Variants in MAJIN observed in about 807,000 individuals in gnomAD.
The protein encoded by MAJIN is membrane anchored junction protein.
MAJIN carries 27 observed loss-of-function variants against 30.2 expected under a neutral mutation model. The observed-to-expected ratio is 0.89, with a 90% confidence interval of 0.66 to 1.23. The LOEUF is 1.23. Among genes scored for constraint, MAJIN ranks in the 50% most tolerant of loss-of-function variants. The probability of loss-of-function intolerance (pLI) is 0.00; values close to 1 mark genes in which losing one functional copy is unlikely to be tolerated. For synonymous variants in MAJIN, 78 were observed against 91.6 expected (o/e 0.85, Z 0.85); for missense variants, 253 against 260.3 (o/e 0.97, Z 0.19).
chr11:64,940,837 T>TTTC (rs1945365842), intron 8 of MAJIN, among the ~76,000 whole-genome samples, 191 bp from the exon 9 acceptor site: 2 of 125,768 alleles, frequency 1.6e-5, no homozygotes, highest in East Asian at 2.3e-4. Context: ...TTTTCTTTCT[T>TTTC]TTTTTTTTTT....
At chr11:64,945,430 A>G (rs1022036235) in intron 8 of MAJIN, among the ~76,000 whole-genome samples, 1 of 144,482 alleles carries the variant, frequency 6.9e-6, no homozygotes, top group African/African-American at 2.6e-5. Flanking sequence ...ATGAAGGCAA[A>G]AAGTTTCCTA....
Position 64,954,798 on chromosome 11 carries a change from C to G in MAJIN, c.106G>C (p.Glu36Gln), listed in dbSNP as rs569704739. ...KIRYGKSIRG[E>Q]EIENKEVITQ... ...ATGACTTCCTTATTTTCTATCTCTT[C>G]TCCTCTAGAAGGTAAACAGACAAGA... is the stretch of plus-strand genomic sequence containing the variant. The change falls in exon 4 of 11, where the codon GAA (glutamate) becomes CAA (glutamine). Residue 36 changes from glutamate (E) to glutamine (Q), a missense_variant. Physicochemically the swap from Glu to Gln is conservative, Grantham distance 29. Coordinates refer to ENST00000301896, the MANE Select transcript of MAJIN (RefSeq NM_001037225.3). 6.2e-7 allele frequency: 1 copy of G among 1,611,714 alleles called. No individual in the cohort carries two copies.
chr11:64,945,687 C>T (rs1355560886), intron 8 of MAJIN, among the ~76,000 whole-genome samples: 2 of 151,990 alleles, frequency 1.3e-5, no homozygotes, highest in African/African-American at 2.4e-5. Flanking sequence ...AGGTGCCCAC[C>T]ACCACACTTG....
intron 4 of MAJIN, 124 bp downstream of exon 4, chr11:64,954,633 A>G (rs777673736): frequency 3.1e-5 from 27 of 874,146 alleles, no homozygotes; most frequent in Non-Finnish European, 4.7e-5. Context: ...AAGGAGATGT[A>G]GCAGGAGGAA....
intron 8 of MAJIN, 110 bp downstream of exon 8, chr11:64,947,264 G>A (rs1409541569): frequency 1.2e-6 from 1 of 836,312 alleles, no homozygotes; most frequent in Non-Finnish European, 1.8e-6. Context: ...AGATACTGAT[G>A]AAGTCCTGCA....
chr11:64,948,837 A>G (rs1240714547), intron 6 of MAJIN, among the ~76,000 whole-genome samples: 9 of 146,312 alleles, frequency 6.2e-5, no homozygotes, highest in Non-Finnish European at 1.4e-4. Flanking sequence ...TATTTTTAGT[A>G]GAAATGGGGT....
intron 6 of MAJIN, among the ~76,000 whole-genome samples, chr11:64,948,215 T>C (rs998697027): frequency 2.6e-5 from 4 of 152,034 alleles, no homozygotes; most frequent in Admixed American, 2.6e-4. Context: ...AGACTCCTCA[T>C]GTGCCCTTCT....
At chr11:64,947,598 T>C in intron 7 of MAJIN, 133 bp from the exon 8 acceptor site, 14 of 1,054,486 alleles carry the variant, frequency 1.3e-5, no homozygotes, top group Non-Finnish European at 1.9e-5. Flanking sequence ...CAAGTAAGAA[T>C]AGACATTCTG....
At chr11:64,961,467 ATTTTTTTTTTT>A (rs36053356) in intron 1 of MAJIN, among the ~76,000 whole-genome samples, 65 of 59,184 alleles carry the variant, frequency 1.1e-3, no homozygotes, top group South Asian at 2.1e-3. Context: ...GTGCCCGGCA[ATTTTTTTTTTT>A]TTTTTTTTTT....
At chr11:64,965,544 G>C (rs1346964609) in intron 1 of MAJIN, among the ~76,000 whole-genome samples, 1 of 152,030 alleles carries the variant, frequency 6.6e-6, no homozygotes, top group Non-Finnish European at 1.5e-5. Flanking sequence ...AATGAAAAAC[G>C]ACCTTTGGCC....
chr11:64,966,145 G>GAAAAAAAAAAGAAAAAAAA (rs1945804863), intron 1 of MAJIN, among the ~76,000 whole-genome samples: 1 of 57,100 alleles, frequency 1.8e-5, no homozygotes, highest in Non-Finnish European at 3.0e-5. Context: ...GATTAAAAAT[G>GAAAAAAAAAAGAAAAAAAA]AAAAAAAAAA....
At chr11:64,949,332 TAAA>T (rs1459244395) in intron 6 of MAJIN, among the ~76,000 whole-genome samples, 1 of 151,830 alleles carries the variant, frequency 6.6e-6, no homozygotes, top group Non-Finnish European at 1.5e-5. Context: ...CCTGTCTAAA[TAAA>T]AATAAAATTG....
intron 6 of MAJIN, among the ~76,000 whole-genome samples, chr11:64,949,196 C>T (rs532258594): frequency 3.3e-5 from 5 of 149,836 alleles, no homozygotes; most frequent in Non-Finnish European, 5.9e-5. Flanking sequence ...CGGGGATGGT[C>T]GCACACACCT....
chr11:64,971,469 G>A (rs967152283), intron 1 of MAJIN, among the ~76,000 whole-genome samples: 3 of 151,408 alleles, frequency 2.0e-5, no homozygotes, highest in Middle Eastern at 6.3e-3. Context: ...GTTGCGGGGG[G>A]GCGGGGAAGG....
intron 3 of MAJIN, 89 bp from the exon 4 acceptor site, chr11:64,954,891 C>T: frequency 1.8e-6 from 2 of 1,141,432 alleles, no homozygotes; most frequent in East Asian, 2.4e-5. Context: ...AACACTTCCA[C>T]TGAGCTAAAG....
intron 7 of MAJIN, 43 bp from the exon 8 acceptor site, chr11:64,947,508 T>C (rs769322351): frequency 1.9e-6 from 3 of 1,573,166 alleles, no homozygotes; most frequent in South Asian, 1.1e-5. Context: ...CTTTCCAGAG[T>C]TGCTCACAGT....
rs58387921 is a variant in MAJIN, at chr11:64,966,145, G to GAAAAAAAAAAAAAAAAA, written c.-65+5715_-65+5731dup. 4.1e-3 allele frequency among the ~76,000 whole-genome samples: 236 copies of GAAAAAAAAAAAAAAAAA among 57,056 alleles called. 17 individuals are homozygous for GAAAAAAAAAAAAAAAAA. Among genetic ancestry groups the GAAAAAAAAAAAAAAAAA allele is most frequent in the Non-Finnish European group, 4.8e-3 (159 of 33,404 alleles). The allele number at this position is 57,056 out of a possible 152,430, so 37.4% of individuals were successfully genotyped here. A position where few individuals can be genotyped will look rare whatever the true frequency, so the allele number is the denominator to read the frequency against. On this transcript the variant is annotated intron_variant, in intron 1 of 10. Coordinates refer to ENST00000301896, the MANE Select transcript of MAJIN (RefSeq NM_001037225.3). The stretch of plus-strand genomic sequence containing the variant: ...ACATGTAAGGAAGAAGATTAAAAAT[G>GAAAAAAAAAAAAAAAAA]AAAAAAAAAAAAAAAAAAAAGCAGC...
At chr11:64,956,763 G>GTTTTTT (rs398016405) in intron 3 of MAJIN, among the ~76,000 whole-genome samples, 2 of 102,504 alleles carry the variant, frequency 2.0e-5, no homozygotes, top group Non-Finnish European at 3.7e-5. Flanking sequence ...CATATAAGCT[G>GTTTTTT]TTTTTTTTTT....
At chr11:64,954,506 T>C in intron 4 of MAJIN, 2 of 582,638 alleles carry the variant, frequency 3.4e-6, no homozygotes, top group Non-Finnish European at 6.3e-6. Flanking sequence ...TGCCCAAGGC[T>C]GGAAACTGGT....
Sources: gnomAD v4.1 joint callset for allele counts (sites outside exome capture counted in the v4.1 genomes callset) on GRCh38, gnomAD v4.1.1 for gene constraint, MANE v1.5 for transcripts, NCBI Gene and HGNC (gene_info 2026-07-23, HGNC 2026-07-21) for gene names.